Variants in KHDRBS2 observed in about 807,000 individuals in gnomAD.
The protein encoded by KHDRBS2 is KH RNA binding domain containing, signal transduction associated 2.
Under a neutral mutation model 44.3 loss-of-function variants are expected in KHDRBS2, and 26 were observed. That is an observed-to-expected ratio of 0.59 (90% CI 0.43 to 0.81). KHDRBS2 has a LOEUF of 0.81. Ranked by LOEUF, KHDRBS2 falls within the 40% of genes least tolerant of loss-of-function variation. The probability of loss-of-function intolerance (pLI) is 0.00; values close to 1 mark genes in which losing one functional copy is unlikely to be tolerated. For missense variants in KHDRBS2, 476 were observed against 433.1 expected (o/e 1.10, Z -0.88); for synonymous variants, 194 against 151.1 (o/e 1.28, Z -2.08).
At chr6:61,883,443 A>G (rs540752500) in intron 6 of KHDRBS2, among the ~76,000 whole-genome samples, 44 of 152,204 alleles carry the variant, frequency 2.9e-4, no homozygotes, top group Non-Finnish European at 2.9e-4. Flanking sequence ...AAGTGTTACA[A>G]AAGACATTAG....
At chr6:61,655,130 A>G in the KHDRBS2 span, among the ~76,000 whole-genome samples, 3 of 151,720 alleles carry the variant, frequency 2.0e-5, no homozygotes, top group South Asian at 4.2e-4. Flanking sequence ...CAATAAGGAG[A>G]GTTTAGGTTA....
intron 1 of KHDRBS2, among the ~76,000 whole-genome samples, chr6:62,241,620 T>C (rs1244807722): frequency 6.6e-6 from 1 of 152,116 alleles, no homozygotes; most frequent in Non-Finnish European, 1.5e-5. Flanking sequence ...TAGACCCAGA[T>C]GGTTTGACTC....
In KHDRBS2 at chr6:62,169,210, T is replaced by TATATGCGTATACATATATGTATATATAC. The variant is rs1454018151; in HGVS notation, c.219+7974_219+7975insGTATATATACATATATGTATACGCATAT. Among the ~76,000 whole-genome samples the TATATGCGTATACATATATGTATATATAC allele has an allele frequency of 1.4e-5, 2 of 145,666 alleles. 1 individual carries two copies. The highest frequency in any genetic ancestry group is 5.1e-5 in the African/African-American group (2 of 39,264). On this transcript the variant is annotated intron_variant, in intron 2 of 8. Transcript: ENST00000281156. ...ATACGTATACATATATGTATATATA[T>TATATGCGTATACATATATGTATATATAC]GTATATATACACACACACATATATA...
chr6:61,855,615 T>C (rs1256260550), intron 6 of KHDRBS2, among the ~76,000 whole-genome samples: 2 of 149,062 alleles, frequency 1.3e-5, no homozygotes, highest in African/African-American at 5.0e-5. Context: ...ATCAAGTATA[T>C]GCCTGGTGCT....
At chr6:62,126,696 A>G (rs1359066134) in intron 2 of KHDRBS2, among the ~76,000 whole-genome samples, 4 of 152,186 alleles carry the variant, frequency 2.6e-5, no homozygotes, top group African/African-American at 9.7e-5. Context: ...CTCCTTCTTA[A>G]GAAGAATATA....
chr6:62,187,836 T>G (rs1823757599), intron 1 of KHDRBS2, among the ~76,000 whole-genome samples: 1 of 152,110 alleles, frequency 6.6e-6, no homozygotes, highest in Non-Finnish European at 1.5e-5. Context: ...AGTATATTTG[T>G]CCATTTGCAT....
At chr6:62,155,091 G>T (rs1381201661) in intron 2 of KHDRBS2, among the ~76,000 whole-genome samples, 1 of 152,158 alleles carries the variant, frequency 6.6e-6, no homozygotes, top group African/African-American at 2.4e-5. Context: ...TATTTATACT[G>T]GGAGTCTGGG....
chr6:61,632,870 A>G, the KHDRBS2 span, among the ~76,000 whole-genome samples: 1 of 152,110 alleles, frequency 6.6e-6, no homozygotes, highest in African/African-American at 2.4e-5. Context: ...CACAAATATA[A>G]ATGAAAATTA....
the KHDRBS2 span, among the ~76,000 whole-genome samples, chr6:61,544,493 T>C: frequency 6.6e-6 from 1 of 152,208 alleles, no homozygotes; most frequent in Non-Finnish European, 1.5e-5. Context: ...AAATAAATAA[T>C]AAAGGGCAAA....
chr6:61,719,281 A>T (rs1230219333), intron 7 of KHDRBS2, among the ~76,000 whole-genome samples: 1 of 152,120 alleles, frequency 6.6e-6, no homozygotes, highest in African/African-American at 2.4e-5. Context: ...TTTTATTTGC[A>T]ATATTGCCAC....
chr6:61,749,478 A>T (rs1022136241), intron 6 of KHDRBS2, among the ~76,000 whole-genome samples: 6 of 152,204 alleles, frequency 3.9e-5, no homozygotes, highest in African/African-American at 1.2e-4. Context: ...AAGCCAAAGC[A>T]CTTAGATTTA....
At chr6:61,940,338 G>GT (rs1219236775) in intron 4 of KHDRBS2, among the ~76,000 whole-genome samples, 1 of 152,094 alleles carries the variant, frequency 6.6e-6, no homozygotes, top group Non-Finnish European at 1.5e-5. Context: ...TGGGGAAAAG[G>GT]TAAGTCAGTG....
At chr6:62,028,322 G>A (rs1389609943) in intron 3 of KHDRBS2, among the ~76,000 whole-genome samples, 2 of 152,030 alleles carry the variant, frequency 1.3e-5, no homozygotes, top group Non-Finnish European at 2.9e-5. Context: ...ATTGAGCTTA[G>A]CAGGATAAAA....
chr6:62,175,153 C>A (rs550219671), intron 2 of KHDRBS2, among the ~76,000 whole-genome samples: 2 of 151,478 alleles, frequency 1.3e-5, no homozygotes, highest in African/African-American at 2.4e-5. Context: ...CTTTGATAAG[C>A]GAGTATAAAT....
intron 3 of KHDRBS2, among the ~76,000 whole-genome samples, chr6:62,005,185 G>A (rs1562624855): frequency 1.3e-5 from 2 of 151,956 alleles, no homozygotes; most frequent in Non-Finnish European, 2.9e-5. Flanking sequence ...AACAGTAAGT[G>A]ATTTTTCAAT....
intron 2 of KHDRBS2, among the ~76,000 whole-genome samples, chr6:62,117,481 G>GTT (rs1348964941): frequency 6.6e-6 from 1 of 152,042 alleles, no homozygotes; most frequent in Non-Finnish European, 1.5e-5. Context: ...TGTCGTTTGA[G>GTT]TTCCTTAAGT....
intron 6 of KHDRBS2, among the ~76,000 whole-genome samples, chr6:61,767,145 T>A (rs1780132513): frequency 6.6e-6 from 1 of 152,118 alleles, no homozygotes; most frequent in African/African-American, 2.4e-5. Flanking sequence ...CAATGTTGGG[T>A]ACATATATAT....
chr6:61,601,185 C>T, the KHDRBS2 span, among the ~76,000 whole-genome samples: 13 of 152,022 alleles, frequency 8.6e-5, no homozygotes, highest in Middle Eastern at 6.8e-3. Context: ...ATTTCTCTAC[C>T]CTCTCTTCTC....
the KHDRBS2 span, among the ~76,000 whole-genome samples, chr6:61,616,333 T>C: frequency 1.3e-5 from 2 of 152,230 alleles, no homozygotes; most frequent in Admixed American, 1.3e-4. Context: ...GTTATTCTTG[T>C]CCTCAATGAC....
Sources: allele counts gnomAD v4.1 joint callset (sites outside exome capture counted in the v4.1 genomes callset), GRCh38; gene constraint gnomAD v4.1.1; transcripts MANE v1.5; gene names NCBI Gene and HGNC (gene_info 2026-07-23, HGNC 2026-07-21).